CARD8: variants seen among roughly 807,000 people sequenced by gnomAD.
CARD8 encodes the protein caspase recruitment domain-containing protein 8.
In CARD8, 38 loss-of-function variants were observed where a neutral mutation model predicts 53.2. The ratio of observed to expected loss-of-function variants is 0.71; its 90% CI spans 0.55 to 0.94. CARD8 has a LOEUF of 0.94. Among genes scored for constraint, CARD8 ranks in the 40% least tolerant of loss-of-function variants. CARD8 has a pLI of 0.00. For missense variants in CARD8, 561 were observed against 655.5 expected, an observed-to-expected ratio of 0.86 and a Z score of 1.57; for synonymous variants, 245 against 244.9, an observed-to-expected ratio of 1.00 and a Z score of 0.00.
chr19:48,207,735 T>TTTTTTTTTTTTTGG (rs1224811685), downstream of CARD8, among the ~76,000 whole-genome samples: 3 of 74,904 alleles, frequency 4.0e-5, no homozygotes, highest in South Asian at 5.0e-4. Context: ...TGTTTTTCTG[T>TTTTTTTTTTTTTGG]TTTTTTTTTT....
chr19:48,223,052 C>G (rs911823100), intron 10 of CARD8, among the ~76,000 whole-genome samples: 1 of 152,014 alleles, frequency 6.6e-6, no homozygotes, highest in African/African-American at 2.4e-5. Flanking sequence ...GCCTGTAATC[C>G]CAGCACTTTG....
chr19:48,237,771 T>C (rs1356528076), intron 5 of CARD8, among the ~76,000 whole-genome samples: 1 of 150,668 alleles, frequency 6.6e-6, no homozygotes, highest in Non-Finnish European at 1.5e-5. Context: ...CACTCCAGCC[T>C]GGGCAACAGA....
rs1037167466 is a variant in CARD8 at position 48,248,544 on chromosome 19, T to C, written c.-44+979A>G. Among the ~76,000 whole-genome samples, 9 of 152,218 alleles carry C rather than the reference T, an allele frequency of 5.9e-5. 1 individual carries two copies. Among genetic ancestry groups the C allele is most frequent in the Admixed American group, 1.3e-4 (2 of 15,272 alleles). ...GCATGACAACCACTATCAGTTATCA[T>C]TCTCACCCACAATACTGATGGAAAT... On this transcript the variant is annotated intron_variant, in intron 3 of 13. Transcript: ENST00000651546.
rs761116872 is a variant in CARD8, at chr19:48,230,610, T to G, written c.863A>C (p.Tyr288Ser). ...LEHPARVEPFYAVLESPSFSL... is the reference protein window; with the variant it reads ...LEHPARVEPFSAVLESPSFSL... Reference sequence around the variant, plus strand: ...GAAGCTGGGGCTTTCCAGGACAGCATAGAAAGGCTCCACCCGGGCTGGATG... The same window carrying G: ...GAAGCTGGGGCTTTCCAGGACAGCAGAGAAAGGCTCCACCCGGGCTGGATG... The change falls in exon 10 of 14, where the codon TAT (tyrosine) becomes TCT (serine). Residue 288 changes from tyrosine to serine, a missense_variant. Physicochemically the swap from Tyr to Ser is moderately radical, Grantham distance 144. Coordinates refer to ENST00000651546, the MANE Select transcript of CARD8 (RefSeq NM_001184900.3). The G allele has an allele frequency of 7.4e-6, 12 of 1,613,996 alleles. No individual in the cohort carries two copies. Among genetic ancestry groups the G allele is most frequent in the Non-Finnish European group, 9.3e-6 (11 of 1,180,030 alleles).
intron 10 of CARD8, among the ~76,000 whole-genome samples, chr19:48,227,223 AG>A (rs1450908991): frequency 6.6e-6 from 1 of 152,178 alleles, no homozygotes; most frequent in Non-Finnish European, 1.5e-5. Flanking sequence ...GCTTAAAGGG[AG>A]AAAGTTGAGT....
chr19:48,218,614 A>G (rs1177505624), intron 12 of CARD8, among the ~76,000 whole-genome samples: 3 of 152,018 alleles, frequency 2.0e-5, no homozygotes, highest in Admixed American at 2.0e-4. Flanking sequence ...TCGGCCTCCC[A>G]AAGTTCTGGG....
rs372635904 is a variant in CARD8 at position 48,216,578 on chromosome 19, C to T, written c.1304-1194G>A. Among the ~76,000 whole-genome samples, 6 of 152,278 alleles carry T rather than the reference C, an allele frequency of 3.9e-5. No individual in the cohort carries two copies. The East Asian group carries it at 7.7e-4, about 20-fold the overall frequency. On this transcript the variant is annotated intron_variant, in intron 12 of 13. Coordinates refer to ENST00000651546, the MANE Select transcript of CARD8 (RefSeq NM_001184900.3). Reference sequence around the variant, plus strand: ...AAGTGCAGTCCCAGCTCATGTGCACCGCCTCAACAAGAGGGCAGTTTGCCC... The same window carrying T: ...AAGTGCAGTCCCAGCTCATGTGCACTGCCTCAACAAGAGGGCAGTTTGCCC...
chr19:48,240,251 A>G (rs531539384), intron 4 of CARD8, among the ~76,000 whole-genome samples: 2 of 152,308 alleles, frequency 1.3e-5, no homozygotes, highest in East Asian at 3.9e-4. Context: ...ACACAGAGGG[A>G]GGGCTTAGTG....
chr19:48,231,191 A>AT (rs2042815715), intron 8 of CARD8, among the ~76,000 whole-genome samples, 185 bp from the exon 9 acceptor site: 1 of 152,234 alleles, frequency 6.6e-6, no homozygotes, highest in Admixed American at 6.5e-5. Flanking sequence ...TGCATTCTAT[A>AT]TATGTTGAAA....
chr19:48,211,636 T>G lies in CARD8; in HGVS notation c.*74A>C. 2 of 1,411,768 alleles carry G rather than the reference T, an allele frequency of 1.4e-6. No homozygotes were observed. The highest frequency in any genetic ancestry group is 9.8e-7 in the Non-Finnish European group (1 of 1,024,398). The allele number at this position is 1,411,768 out of a possible 1,614,324, so 87.5% of individuals were successfully genotyped here. A position where few individuals can be genotyped will look rare whatever the true frequency, so the allele number is the denominator to read the frequency against. ...CTTCTGTCTTGAACACTGAAATCAA[T>G]GATCACATTTCTGTTTATCCATTTC... is the stretch of plus-strand genomic sequence containing the variant. On this transcript the variant is annotated 3_prime_UTR_variant, in exon 14 of 14. Coordinates refer to ENST00000651546, the MANE Select transcript of CARD8 (RefSeq NM_001184900.3).
At chr19:48,220,990 G>A (rs1020814963) in intron 11 of CARD8, among the ~76,000 whole-genome samples, 2 of 97,922 alleles carry the variant, frequency 2.0e-5, no homozygotes, top group Non-Finnish European at 4.2e-5. Flanking sequence ...AGGAAGGAAG[G>A]AAGGAAAGAA....
intron 10 of CARD8, among the ~76,000 whole-genome samples, chr19:48,226,895 G>A (rs1013673309): frequency 2.6e-5 from 4 of 151,878 alleles, no homozygotes; most frequent in Admixed American, 6.6e-5. Context: ...GGCAAACACG[G>A]TGAACCCTGT....
At chr19:48,234,621 TTA>T in intron 5 of CARD8, 78 bp from the exon 6 acceptor site, 1 of 1,321,924 alleles carries the variant, frequency 7.6e-7, no homozygotes. Flanking sequence ...CAGGAAGATT[TTA>T]TGTTAATAGC....
chr19:48,245,215 T>C (rs1043484270), intron 3 of CARD8, among the ~76,000 whole-genome samples: 3 of 151,610 alleles, frequency 2.0e-5, no homozygotes, highest in African/African-American at 7.3e-5. Flanking sequence ...AGAAAGAATC[T>C]TTTTTTTTCT....
intron 11 of CARD8, 39 bp from the exon 12 acceptor site, chr19:48,219,051 G>A (rs990003701): frequency 5.0e-6 from 8 of 1,608,240 alleles, no homozygotes; most frequent in African/African-American, 1.3e-5. Flanking sequence ...GCAGTGGAGG[G>A]TGGAAAGGCC....
Position 48,231,686 on chromosome 19 carries a change from C to T in CARD8, c.516G>A (p.Leu172=). 6.2e-7 allele frequency: 1 copy of T among 1,608,008 alleles called. No individual in the cohort carries two copies. Among genetic ancestry groups the T allele is most frequent in the Non-Finnish European group, 8.5e-7 (1 of 1,177,286 alleles). The part of the protein sequence containing the change: ...LGPEGNVDVE[L]IDKSTNRYSV... ...TGTATCTGTTTGTGCTCTTATCAAT[C>T]AACTCAACATCCACATTTCCTTCAG... Residue 172 remains leucine, a synonymous_variant, in exon 8 of 14, where the codon TTG becomes TTA. Coordinates refer to ENST00000651546, the MANE Select transcript of CARD8 (RefSeq NM_001184900.3).
In CARD8 at chr19:48,218,976, G is replaced by C; in HGVS notation, c.1198C>G (p.Gln400Glu). ...KLSYRSPGEIQHFSKFYAGQM... is the reference protein window; with the variant it reads ...KLSYRSPGEIEHFSKFYAGQM... ...CCAGCATAGAATTTTGAGAAGTGCT[G>C]AATTTCTCCAGGGCTCCTGTAGGAC... The change falls in exon 12 of 14, where the codon CAG becomes GAG. Residue 400 changes from glutamine (Q) to glutamate (E), a missense_variant. Transcript: ENST00000651546. 1 of 1,613,942 alleles carries C rather than the reference G, an allele frequency of 6.2e-7. No homozygotes were observed. The highest frequency in any genetic ancestry group is 1.1e-5 in the South Asian group (1 of 91,082).
At chr19:48,255,571 G>A (rs878923422) in intron 1 of CARD8, 1 of 152,164 alleles carries the variant, frequency 6.6e-6, no homozygotes, top group Non-Finnish European at 1.5e-5. Context: ...AGTCACTGAA[G>A]TCATAAATTT....
At position 48,249,537 on chromosome 19, in the gene CARD8, A is replaced by C. The variant is rs1200156830; in HGVS notation, c.-58T>G. Reference sequence around the variant, plus strand: ...TTCCTACTCACATTGAAGATGGCCCAGATGCTTGCACTAACCGCGTTTACC... The same window carrying C: ...TTCCTACTCACATTGAAGATGGCCCCGATGCTTGCACTAACCGCGTTTACC... On this transcript the variant is annotated 5_prime_UTR_variant, in exon 3 of 14. Coordinates refer to ENST00000651546, the MANE Select transcript of CARD8 (RefSeq NM_001184900.3). 1.3e-5 allele frequency: 2 copies of C among 152,360 alleles called. No homozygotes were observed. The highest frequency in any genetic ancestry group is 4.8e-5 in the African/African-American group (2 of 41,456). The allele number at this position is 152,360 out of a possible 1,614,324, so 9.4% of individuals were successfully genotyped here.
Sources: allele counts gnomAD v4.1 joint callset (sites outside exome capture counted in the v4.1 genomes callset), GRCh38; gene constraint gnomAD v4.1.1; transcripts MANE v1.5; gene names NCBI Gene and HGNC (gene_info 2026-07-23, HGNC 2026-07-21).